CD55: variants seen among roughly 807,000 people sequenced by gnomAD.
CD55 encodes complement decay-accelerating factor.
CD55 carries 41 observed loss-of-function variants against 45.8 expected under a neutral mutation model. That is an observed-to-expected ratio of 0.90 (90% CI 0.70 to 1.16). The LOEUF is 1.16. Ranked by LOEUF, CD55 falls within the 50% of genes most tolerant of loss-of-function variation. The probability of loss-of-function intolerance (pLI) is 0.00; values close to 1 mark genes in which losing one functional copy is unlikely to be tolerated. For missense variants in CD55, 416 were observed against 469.8 expected (o/e 0.89, Z 1.06); for synonymous variants, 181 against 181.1 (o/e 1.00, Z 0.01).
chr1:207,336,737 A>G lies in CD55; in HGVS notation c.898A>G (p.Thr300Ala). The G allele has an allele frequency of 6.2e-7, 1 of 1,613,904 alleles. No homozygotes were observed. Among genetic ancestry groups the G allele is most frequent in the Non-Finnish European group, 8.5e-7 (1 of 1,179,832 alleles). ...GGTCCCACCAACAGTTCAGAAACCT[A>G]CCACAGTAAATGTTCCAACTACAGA... ...SKVPPTVQKP[T>A]TVNVPTTEVS... The change falls in exon 7 of 10, where the codon ACC becomes GCC. Residue 300 changes from threonine (T) to alanine (A), a missense_variant. By Grantham distance (58) the Thr-to-Ala change is moderately conservative. This residue lies in a region of CD55 where 182 missense variants were observed against 201.4 expected (regional missense o/e 0.90). Coordinates refer to ENST00000367064, the MANE Select transcript of CD55 (RefSeq NM_000574.5).
intron 8 of CD55, among the ~76,000 whole-genome samples, chr1:207,338,352 T>C (rs1451352693): frequency 2.0e-5 from 3 of 151,154 alleles, no homozygotes; most frequent in South Asian, 2.1e-4. Flanking sequence ...CTTTATGTGG[T>C]TTTTTTACTT....
chr1:207,328,906 A>G (rs1654807165), intron 5 of CD55, among the ~76,000 whole-genome samples: 1 of 152,242 alleles, frequency 6.6e-6, no homozygotes, highest in African/African-American at 2.4e-5. Context: ...TCGCTGGCCT[A>G]AGACCCACCT....
intron 9 of CD55, among the ~76,000 whole-genome samples, chr1:207,351,438 G>A (rs1655864125): frequency 6.6e-6 from 1 of 152,106 alleles, no homozygotes; most frequent in Non-Finnish European, 1.5e-5. Flanking sequence ...CATTGTCAAT[G>A]GGGTGTTGAA....
chr1:207,354,883 G>A (rs28371639), intron 9 of CD55, among the ~76,000 whole-genome samples: 1,569 of 152,226 alleles, frequency 0.01, 34 homozygotes, highest in African/African-American at 0.036. Flanking sequence ...ATTGTTCTGG[G>A]AATAGCCTTT....
chr1:207,322,148 G>A, intron 1 of CD55: 1 of 667,550 alleles, frequency 1.5e-6, no homozygotes, highest in Non-Finnish European at 2.8e-6. Flanking sequence ...CGAAAGGGAG[G>A]GCTCAAAGAG....
chr1:207,341,131 T>C (rs1321705231), intron 9 of CD55, among the ~76,000 whole-genome samples: 2 of 152,180 alleles, frequency 1.3e-5, no homozygotes, highest in African/African-American at 4.8e-5. Flanking sequence ...TGTTTTTCGC[T>C]AGTAAGTTGA....
chr1:207,324,681 C>T lies in CD55; in HGVS notation c.409C>T (p.Pro137Ser), dbSNP rs747055370. ...YECRPGYRRE[P>S]SLSPKLTCLQ... ...GTGCCGTCCAGGTTACAGAAGAGAA[C>T]CTTCTCTATCACCAAAACTAACTTG... The change falls in exon 3 of 10, where the codon CCT becomes TCT. Residue 137 changes from proline to serine, a missense_variant. By Grantham distance (74) the Pro-to-Ser change is moderately conservative. Around this residue, in one of 3 missense-constraint regions of CD55, gnomAD observed 111 missense variants for 163.4 expected, o/e 0.68. Transcript: ENST00000367064. 1.9e-6 allele frequency: 3 copies of T among 1,613,064 alleles called. No individual in the cohort carries two copies. The highest frequency in any genetic ancestry group is 2.2e-5 in the East Asian group (1 of 44,860).
At chr1:207,355,570 A>G (rs1656045927) in intron 9 of CD55, among the ~76,000 whole-genome samples, 1 of 152,344 alleles carries the variant, frequency 6.6e-6, no homozygotes, top group South Asian at 2.1e-4. Flanking sequence ...ACTAAAAAGC[A>G]TATTCTGTAG....
chr1:207,334,356 C>T (rs941069487), intron 6 of CD55, among the ~76,000 whole-genome samples: 4 of 152,070 alleles, frequency 2.6e-5, no homozygotes, highest in African/African-American at 9.7e-5. Flanking sequence ...TTTGCACTAG[C>T]AGACCAAACA....
At chr1:207,333,212 C>G (rs1407555705) in intron 6 of CD55, among the ~76,000 whole-genome samples, 1 of 152,214 alleles carries the variant, frequency 6.6e-6, no homozygotes, top group Admixed American at 6.5e-5. Context: ...CAGGTCTCCC[C>G]TTTAGCACAT....
At chr1:207,324,472 G>A in intron 2 of CD55, 87 bp from the exon 3 acceptor site, 1 of 796,198 alleles carries the variant, frequency 1.3e-6, no homozygotes, top group South Asian at 2.2e-5. Context: ...AAGAAAGGGG[G>A]TTATTAGGGT....
intron 9 of CD55, among the ~76,000 whole-genome samples, chr1:207,342,866 G>A (rs1655484283): frequency 1.3e-5 from 2 of 151,996 alleles, no homozygotes; most frequent in Admixed American, 6.6e-5. Context: ...TTACAATTCA[G>A]TCTTACTACT....
rs749862284 is a variant in CD55 at position 207,325,641 on chromosome 1, G to A, written c.498G>A (p.Pro166=). 6.8e-6 allele frequency: 11 copies of A among 1,607,270 alleles called. No homozygotes were observed. The highest frequency in any genetic ancestry group is 4.5e-5 in the East Asian group (2 of 44,678). ...EFCKKKSCPN[P]GEIRNGQIDV... ...TTCTAGAGAAATCATGCCCTAATCCGGGAGAAATACGAAATGGTCAGATTG... is the reference window on the plus strand; with the variant it reads ...TTCTAGAGAAATCATGCCCTAATCCAGGAGAAATACGAAATGGTCAGATTG... The change falls in exon 4 of 10, where the codon CCG becomes CCA. Residue 166 remains proline, a synonymous_variant. Transcript: ENST00000367064.
chr1:207,329,790 T>G (rs1654858118), intron 5 of CD55, among the ~76,000 whole-genome samples: 1 of 152,010 alleles, frequency 6.6e-6, no homozygotes, highest in Admixed American at 6.5e-5. Flanking sequence ...TTATGTATTT[T>G]TTGCATAGAC....
At chr1:207,336,298 A>C (rs1655168548) in intron 6 of CD55, among the ~76,000 whole-genome samples, 1 of 152,184 alleles carries the variant, frequency 6.6e-6, no homozygotes, top group Admixed American at 6.5e-5. Context: ...AAAGGCTGTG[A>C]CTGTCTCTGT....
intron 9 of CD55, among the ~76,000 whole-genome samples, chr1:207,348,967 C>T (rs1169945870): frequency 6.6e-6 from 1 of 152,042 alleles, no homozygotes; most frequent in Non-Finnish European, 1.5e-5. Flanking sequence ...GTTACTGTAG[C>T]CTTGTAATAT....
intron 8 of CD55, 60 bp downstream of exon 8, chr1:207,337,469 G>T (rs770250025): frequency 1.1e-6 from 1 of 917,948 alleles, no homozygotes; most frequent in South Asian, 1.3e-5. Context: ...GTGGAAATAT[G>T]AACTTGACCA....
intron 5 of CD55, among the ~76,000 whole-genome samples, chr1:207,328,175 TG>T (rs1167314215): frequency 6.6e-6 from 1 of 152,206 alleles, no homozygotes; most frequent in East Asian, 1.9e-4. Flanking sequence ...TCTGGTGTCT[TG>T]AACTCCATGC....
intron 6 of CD55, among the ~76,000 whole-genome samples, chr1:207,334,959 A>C (rs969575863): frequency 6.6e-6 from 1 of 152,156 alleles, no homozygotes; most frequent in Admixed American, 6.6e-5. Flanking sequence ...GAATAGTTGA[A>C]AGTAAAGGAT....
Sources: allele counts gnomAD v4.1 joint callset (sites outside exome capture counted in the v4.1 genomes callset), GRCh38; gene constraint gnomAD v4.1.1; regional missense constraint gnomAD v4.1.1; transcripts MANE v1.5; gene names NCBI Gene and HGNC (gene_info 2026-07-23, HGNC 2026-07-21).